Variants in XRCC4 observed in about 807,000 individuals in gnomAD.
XRCC4 encodes the protein DNA repair protein XRCC4.
XRCC4 carries 28 observed loss-of-function variants against 39.1 expected under a neutral mutation model. That is an observed-to-expected ratio of 0.72 (90% confidence interval 0.53 to 0.98). XRCC4 has a LOEUF of 0.98. Among genes scored for constraint, XRCC4 ranks in the 50% least tolerant of loss-of-function variants. The probability of loss-of-function intolerance (pLI) is 0.00; values close to 1 mark genes in which losing one functional copy is unlikely to be tolerated. For synonymous variants in XRCC4, 123 were observed against 126.4 expected (o/e 0.97, Z 0.18); for missense variants, 350 against 376.4 (o/e 0.93, Z 0.58).
rs763740000 is a variant in XRCC4, at chr5:83,244,310, G to C, written c.746-14220G>C. 7.4e-4 allele frequency among the ~76,000 whole-genome samples: 113 copies of C among 152,126 alleles called. 1 individual carries two copies. The highest frequency in any genetic ancestry group is 4.3e-3 in the Admixed American group (65 of 15,282). On this transcript the variant is annotated intron_variant, in intron 6 of 7. Coordinates refer to ENST00000396027, the MANE Select transcript of XRCC4 (RefSeq NM_003401.5). ...CTTTCTTTAAAGATCATTGAGTTTTGTTCTGGGAGACAAATAATTTACTGG... is the reference window on the plus strand; with the variant it reads ...CTTTCTTTAAAGATCATTGAGTTTTCTTCTGGGAGACAAATAATTTACTGG...
At chr5:83,304,695 T>C (rs914698059) in intron 7 of XRCC4, among the ~76,000 whole-genome samples, 1 of 150,200 alleles carries the variant, frequency 6.7e-6, no homozygotes, top group Admixed American at 6.7e-5. Context: ...GCTTTGCTTC[T>C]GTAAAATTTA....
chr5:83,363,563 T>C, the XRCC4 span, among the ~76,000 whole-genome samples: 2 of 152,120 alleles, frequency 1.3e-5, no homozygotes, highest in Non-Finnish European at 1.5e-5. Flanking sequence ...CCTGGGAAAC[T>C]GTCAAACTCC....
intron 3 of XRCC4, among the ~76,000 whole-genome samples, chr5:83,130,626 A>T (rs898616753): frequency 6.6e-6 from 1 of 151,988 alleles, no homozygotes; most frequent in Non-Finnish European, 1.5e-5. Context: ...GTAGGCTATT[A>T]ATTATTGCCT....
intron 6 of XRCC4, among the ~76,000 whole-genome samples, chr5:83,225,228 C>T (rs1752241771): frequency 2.0e-5 from 3 of 152,024 alleles, no homozygotes; most frequent in East Asian, 3.9e-4. Flanking sequence ...CTGGTCAGTA[C>T]CTGGAGACCA....
chr5:83,245,712 A>G (rs914585261), intron 6 of XRCC4, among the ~76,000 whole-genome samples: 5 of 152,114 alleles, frequency 3.3e-5, no homozygotes, highest in Non-Finnish European at 5.9e-5. Context: ...AGTGTAAATA[A>G]TTGTTTGGAA....
chr5:83,294,095 A>G (rs575910426), intron 7 of XRCC4, among the ~76,000 whole-genome samples: 40 of 151,844 alleles, frequency 2.6e-4, no homozygotes, highest in African/African-American at 9.7e-4. Flanking sequence ...TGCTTTAAAT[A>G]CTCTGAGTAC....
At chr5:83,320,398 A>T (rs909547318) in intron 7 of XRCC4, among the ~76,000 whole-genome samples, 6 of 151,372 alleles carry the variant, frequency 4.0e-5, no homozygotes, top group East Asian at 1.9e-4. Context: ...AATAAAAAAA[A>T]AAAGAAATAA....
chr5:83,213,719 G>A (rs909209218), intron 6 of XRCC4, among the ~76,000 whole-genome samples: 12 of 152,050 alleles, frequency 7.9e-5, no homozygotes, highest in Admixed American at 6.5e-4. Context: ...TTGTGAGGCC[G>A]ATATTATCAT....
At chr5:83,261,723 T>G (rs549303452) in intron 7 of XRCC4, among the ~76,000 whole-genome samples, 103 of 151,964 alleles carry the variant, frequency 6.8e-4, no homozygotes, top group African/African-American at 2.4e-3. Flanking sequence ...AAGATCCCTC[T>G]CAATATTTAT....
At chr5:83,331,894 C>A (rs1308932410) in intron 7 of XRCC4, among the ~76,000 whole-genome samples, 1 of 152,144 alleles carries the variant, frequency 6.6e-6, no homozygotes, top group East Asian at 1.9e-4. Context: ...ATCTGAACAT[C>A]TCCAAGTACC....
At chr5:83,222,816 C>T (rs1296563813) in intron 6 of XRCC4, among the ~76,000 whole-genome samples, 11 of 152,076 alleles carry the variant, frequency 7.2e-5, no homozygotes, top group African/African-American at 1.9e-4. Flanking sequence ...GGTGCGATCA[C>T]GGCTCACCAC....
the XRCC4 span, among the ~76,000 whole-genome samples, chr5:83,366,271 G>A: frequency 6.6e-6 from 1 of 152,110 alleles, no homozygotes; most frequent in African/African-American, 2.4e-5. Flanking sequence ...CCAGAACCAT[G>A]AGCCAAATAA....
intron 3 of XRCC4, among the ~76,000 whole-genome samples, chr5:83,175,648 G>T (rs892914038): frequency 6.6e-6 from 1 of 151,774 alleles, no homozygotes; most frequent in Admixed American, 6.6e-5. Flanking sequence ...TTGGTCTGTC[G>T]CCCACACTGA....
chr5:83,169,849 C>T lies in XRCC4; in HGVS notation c.316-25921C>T, dbSNP rs561770338. Among the ~76,000 whole-genome samples, 24 of 152,156 alleles carry T rather than the reference C, an allele frequency of 1.6e-4. No individual in the cohort carries two copies. In the South Asian group the frequency reaches 3.9e-3, roughly 25 times the overall value. On this transcript the variant is annotated intron_variant, in intron 3 of 7. Transcript: ENST00000396027. ...TGTGGAAACCAGACAGTAAGTGTGA[C>T]GGTAAACAGAATGATTTCAAAAGAG...
At chr5:83,129,425 G>T (rs1430555087) in intron 3 of XRCC4, among the ~76,000 whole-genome samples, 1 of 151,964 alleles carries the variant, frequency 6.6e-6, no homozygotes, top group African/African-American at 2.4e-5. Context: ...CTCCAGCTTT[G>T]TTCTTTTTGC....
At chr5:83,240,742 AGG>A in intron 6 of XRCC4, among the ~76,000 whole-genome samples, 1 of 152,302 alleles carries the variant, frequency 6.6e-6, no homozygotes, top group Non-Finnish European at 1.5e-5. Flanking sequence ...TGAGATCACC[AGG>A]AAAAACCAGT....
At chr5:83,219,756 A>G (rs993821809) in intron 6 of XRCC4, among the ~76,000 whole-genome samples, 3 of 152,170 alleles carry the variant, frequency 2.0e-5, no homozygotes, top group Admixed American at 6.6e-5. Flanking sequence ...AAAGGAATGT[A>G]GTATGTCTCA....
At chr5:83,190,194 G>A (rs552552977) in intron 3 of XRCC4, among the ~76,000 whole-genome samples, 44 of 152,278 alleles carry the variant, frequency 2.9e-4, no homozygotes, top group African/African-American at 9.9e-4. Context: ...AGTTGATGAG[G>A]AACATAGCTA....
At chr5:83,164,509 G>A (rs1487933500) in intron 3 of XRCC4, among the ~76,000 whole-genome samples, 1 of 152,082 alleles carries the variant, frequency 6.6e-6, no homozygotes, top group Non-Finnish European at 1.5e-5. Context: ...CTGGAGATCT[G>A]TTGTGCAGCA....
Sources: allele counts gnomAD v4.1 joint callset (sites outside exome capture counted in the v4.1 genomes callset), GRCh38; gene constraint gnomAD v4.1.1; transcripts MANE v1.5; gene names NCBI Gene and HGNC (gene_info 2026-07-23, HGNC 2026-07-21).